The following DNAH12 variants were observed in gnomAD, a reference collection of about 807,000 sequenced individuals.
DNAH12 encodes dynein axonemal heavy chain 12.
A neutral mutation model predicts 371.5 loss-of-function variants in DNAH12; 285 were observed. The observed-to-expected ratio is 0.77, with a 90% CI of 0.70 to 0.85. The LOEUF is 0.85. DNAH12 is among the 40% of genes least tolerant of loss of function. The probability of loss-of-function intolerance (pLI) is 0.00; values close to 1 mark genes in which losing one functional copy is unlikely to be tolerated. For synonymous variants in DNAH12, 1,200 were observed against 1,213.0 expected (o/e 0.99, Z 0.22); for missense variants, 3,611 against 3,689.4 (o/e 0.98, Z 0.55).
At chr3:57,378,722 G>C (rs901108171) in intron 52 of DNAH12, among the ~76,000 whole-genome samples, 1 of 151,996 alleles carries the variant, frequency 6.6e-6, no homozygotes, top group African/African-American at 2.4e-5. Context: ...TCTATGTCAA[G>C]GCATGTTCTT....
chr3:57,356,637 T>C (rs1302138387), intron 59 of DNAH12, among the ~76,000 whole-genome samples: 1 of 152,032 alleles, frequency 6.6e-6, no homozygotes, highest in Non-Finnish European at 1.5e-5. Flanking sequence ...AAGTTAATCC[T>C]TCCATGCCTA....
rs562343761 is a variant in DNAH12, at chr3:57,438,918, C to CGAAAAAAAAAAAAAAAAAAAAAAAA, written c.4546-1859_4546-1858insTTTTTTTTTTTTTTTTTTTTTTTTC. 3.0e-4 allele frequency among the ~76,000 whole-genome samples: 28 copies of CGAAAAAAAAAAAAAAAAAAAAAAAA among 94,530 alleles called. 3 individuals carry two copies. The highest frequency in any genetic ancestry group is 7.5e-3 in the Middle Eastern group (1 of 134). 62.0% of individuals were successfully genotyped at this position (94,530 alleles called of 152,430 possible). On this transcript the variant is annotated intron_variant, in intron 29 of 73. Coordinates refer to ENST00000495027, the MANE Select transcript of DNAH12 (RefSeq NM_001366028.2). ...CAACAGAGTGAAACTCTGTCTCAGA[C>CGAAAAAAAAAAAAAAAAAAAAAAAA]AAAAAAAAAAAAAAGGAAAGCAACT...
chr3:57,298,326 C>T (rs1032861015), intron 70 of DNAH12, among the ~76,000 whole-genome samples: 3 of 152,242 alleles, frequency 2.0e-5, no homozygotes, highest in Admixed American at 1.3e-4. Context: ...AGAAAAGACT[C>T]ACTCTCAACT....
chr3:57,491,974 A>C (rs9818804), intron 11 of DNAH12, among the ~76,000 whole-genome samples: 100,471 of 150,428 alleles, frequency 0.67, 33,754 homozygotes, highest in South Asian at 0.75. Flanking sequence ...CCACTGCACT[A>C]TAGCCTGAGT....
intron 1 of DNAH12, 50 bp downstream of exon 1, chr3:57,544,147 G>A (rs1437292467): frequency 1.3e-5 from 2 of 152,196 alleles, no homozygotes; most frequent in African/African-American, 4.8e-5. Flanking sequence ...CACCCAAATC[G>A]CGATACCTGC....
At chr3:57,469,274 G>A (rs1031388848) in intron 16 of DNAH12, among the ~76,000 whole-genome samples, 1 of 152,042 alleles carries the variant, frequency 6.6e-6, no homozygotes, top group Admixed American at 6.6e-5. Flanking sequence ...CACAATGAGA[G>A]ACCATCTCCC....
intron 38 of DNAH12, among the ~76,000 whole-genome samples, 178 bp from the exon 39 acceptor site, chr3:57,414,090 A>G (rs2064289971): frequency 6.6e-6 from 1 of 152,164 alleles, no homozygotes; most frequent in South Asian, 2.1e-4. Context: ...ATAAAATACC[A>G]TATTTAACAC....
intron 43 of DNAH12, among the ~76,000 whole-genome samples, chr3:57,399,162 CAT>C (rs2063804729): frequency 1.3e-5 from 2 of 151,046 alleles, no homozygotes; most frequent in Admixed American, 6.6e-5. Flanking sequence ...ACAAAGAAAA[CAT>C]AGAATATAAA....
intron 60 of DNAH12, among the ~76,000 whole-genome samples, chr3:57,344,314 A>T (rs2062485572): frequency 6.6e-6 from 1 of 152,218 alleles, no homozygotes; most frequent in Non-Finnish European, 1.5e-5. Context: ...GGATGCAGAG[A>T]AAAGGGAACT....
chr3:57,465,183 G>C (rs1241687585), intron 17 of DNAH12, among the ~76,000 whole-genome samples: 1 of 152,140 alleles, frequency 6.6e-6, no homozygotes, highest in South Asian at 2.1e-4. Context: ...GACTGCAACT[G>C]GGAGCAGAGA....
At position 57,530,795 on chromosome 3, in the gene DNAH12, C is replaced by T. The variant is rs189318352; in HGVS notation, c.171-6911G>A. ...CCCAGGAGAAATTCCCCACATCCAG[C>T]CTCAAGGTACAGTATTTCTTGTTAC... On this transcript the variant is annotated intron_variant, in intron 2 of 73. Transcript: ENST00000495027. The T allele has an allele frequency of 1.3e-3, 285 of 219,548 alleles. 1 individual carries two copies. Among genetic ancestry groups the T allele is most frequent in the African/African-American group, 5.1e-3 (225 of 43,960 alleles). The allele number at this position is 219,548 out of a possible 1,614,324, so 13.6% of individuals were successfully genotyped here. A position where few individuals can be genotyped will look rare whatever the true frequency, so the allele number is the denominator to read the frequency against.
At chr3:57,407,393 T>G (rs1400624833) in intron 40 of DNAH12, among the ~76,000 whole-genome samples, 1 of 152,050 alleles carries the variant, frequency 6.6e-6, no homozygotes, top group Non-Finnish European at 1.5e-5. Flanking sequence ...ATAGAAATAT[T>G]ATGTTTTATA....
intron 43 of DNAH12, among the ~76,000 whole-genome samples, chr3:57,396,290 C>CAAAAAA (rs1159748997): frequency 3.3e-4 from 23 of 68,708 alleles, no homozygotes; most frequent in African/African-American, 4.5e-4. Flanking sequence ...AAAAAAAAAA[C>CAAAAAA]AAAAAAAAAA....
At chr3:57,337,868 C>G (rs1290339880) in intron 60 of DNAH12, among the ~76,000 whole-genome samples, 1 of 152,098 alleles carries the variant, frequency 6.6e-6, no homozygotes, top group Admixed American at 6.5e-5. Context: ...TACCATAGAC[C>G]AAAAAGACCT....
In DNAH12 at chr3:57,436,955, G is replaced by A. The variant is rs1195379295; in HGVS notation, c.4651C>T (p.His1551Tyr). 29 of 1,450,330 alleles carry A rather than the reference G, an allele frequency of 2.0e-5. No homozygotes were observed. Among genetic ancestry groups the A allele is most frequent in the Non-Finnish European group, 2.6e-5 (28 of 1,089,560 alleles). The allele number at this position is 1,450,330 out of a possible 1,614,324, so 89.8% of individuals were successfully genotyped here. A position where few individuals can be genotyped will look rare whatever the true frequency, so the allele number is the denominator to read the frequency against. Residue 1551 changes from histidine to tyrosine, a missense_variant, in exon 30 of 74, where the codon CAT becomes TAT. This residue lies in a region of DNAH12 where 2,266 missense variants were observed against 2,236.9 expected (regional missense o/e 1.01). Transcript: ENST00000495027. ...TATAGCAATATATAATCTTACCCAT[G>A]TCTAACAATCATCATTTCATATGTT... The part of the protein sequence containing the change: ...IQTYEMMIVR[H>Y]GFMLVGEPFA...
At chr3:57,454,723 T>A (rs913198257) in intron 23 of DNAH12, 52 bp downstream of exon 23, 10 of 1,537,838 alleles carry the variant, frequency 6.5e-6, no homozygotes, top group East Asian at 4.9e-5. Flanking sequence ...TAAAATTAAA[T>A]TTTAAAAAAC....
Position 57,408,378 on chromosome 3 carries a change from G to A in DNAH12, c.6178C>T (p.Arg2060Ter), listed in dbSNP as rs782658261. 8 of 1,551,438 alleles carry A rather than the reference G, an allele frequency of 5.2e-6. No individual in the cohort carries two copies. The highest frequency in any genetic ancestry group is 1.2e-5 in the South Asian group (1 of 84,056). ...INSFSDETMV[R>*]IFSSIVAFYL... ...AATGCTACAATAGATGAGAAGATTC[G>A]GACCATAGTTTCATCACTAAAAGAA... Residue 2060 changes from arginine (R) to a stop codon, truncating the protein, a stop_gained, in exon 40 of 74, where the codon CGA becomes TGA. Transcript: ENST00000495027. LOFTEE classifies it high-confidence loss of function.
chr3:57,405,539 G>A, intron 41 of DNAH12, 114 bp downstream of exon 41: 1 of 1,203,114 alleles, frequency 8.3e-7, no homozygotes, highest in Non-Finnish European at 1.1e-6. Context: ...CTATTTACAA[G>A]GAATGCTAAA....
intron 57 of DNAH12, among the ~76,000 whole-genome samples, chr3:57,364,967 T>A (rs2063015572): frequency 6.6e-6 from 1 of 151,902 alleles, no homozygotes; most frequent in Non-Finnish European, 1.5e-5. Context: ...AAGAAACAGA[T>A]GCTGGTGAGG....
Sources: gnomAD v4.1 joint callset for allele counts (sites outside exome capture counted in the v4.1 genomes callset) on GRCh38, gnomAD v4.1.1 for gene constraint, gnomAD v4.1.1 regional missense constraint, MANE v1.5 for transcripts, NCBI Gene and HGNC (gene_info 2026-07-23, HGNC 2026-07-21) for gene names.